The following DOCK6 variants were observed in gnomAD, a reference collection of about 807,000 sequenced individuals.
DOCK6 encodes the protein dedicator of cytokinesis 6.
DOCK6 carries 167 observed loss-of-function variants against 230.3 expected under a neutral mutation model. The ratio of observed to expected loss-of-function variants is 0.73; its 90% CI spans 0.64 to 0.82. The LOEUF (loss-of-function observed/expected upper bound fraction) is 0.82. DOCK6 is among the 40% of genes least tolerant of loss of function. The pLI is 0.00. For missense variants in DOCK6, 2,598 were observed against 2,825.8 expected (o/e 0.92, Z 1.83); for synonymous variants, 1,148 against 1,185.0 (o/e 0.97, Z 0.64).
rs1287541137 is a variant in DOCK6, at chr19:11,235,710, A to G, written c.2442T>C (p.Leu814=). ...GGGCTGCCTCCAGGCTCCGGTGAAC[A>G]AGGCTGACTACATGGGCCATTGCTT... is the stretch of plus-strand genomic sequence containing the variant. The part of the protein sequence containing the change: ...AFEAMAHVVS[L]VHRSLEAAQD... The change falls in exon 21 of 48, where the codon CTT becomes CTC. Residue 814 remains leucine, a synonymous_variant. Coordinates refer to ENST00000294618, the MANE Select transcript of DOCK6 (RefSeq NM_020812.4). 10 of 1,600,254 alleles carry G rather than the reference A, an allele frequency of 6.2e-6. 1 individual carries two copies. In the South Asian group the frequency reaches 9.1e-5, roughly 15 times the overall value.
rs1210901846 is a variant in DOCK6 at position 11,257,083 on chromosome 19, TTC to T, written c.45-3359_45-3358del. Among the ~76,000 whole-genome samples the T allele has an allele frequency of 2.0e-5, 3 of 151,646 alleles. No homozygotes were observed. The East Asian group carries it at 5.8e-4, about 29-fold the overall frequency. On this transcript the variant is annotated intron_variant, in intron 1 of 47. Transcript: ENST00000294618. ...CTTACTGCAGCCTCAACCTCCTGGG[TTC>T]AAGGAATCCTCCTGCCTCAGCCTCC...
At chr19:11,233,804 C>T (rs889240977) in intron 21 of DOCK6, among the ~76,000 whole-genome samples, 7 of 151,854 alleles carry the variant, frequency 4.6e-5, no homozygotes, top group Non-Finnish European at 1.0e-4. Context: ...CGTGACACTG[C>T]ACTCTAGCCT....
At chr19:11,241,106 C>T (rs573285685) in intron 14 of DOCK6, among the ~76,000 whole-genome samples, 3 of 151,874 alleles carry the variant, frequency 2.0e-5, no homozygotes, top group Non-Finnish European at 2.9e-5. Flanking sequence ...ATTAGCTGGG[C>T]GTGGTGGCAC....
intron 39 of DOCK6, among the ~76,000 whole-genome samples, chr19:11,204,927 G>A (rs2079232184): frequency 6.6e-6 from 1 of 152,158 alleles, no homozygotes; most frequent in African/African-American, 2.4e-5. Context: ...CTCATTGATG[G>A]GAGAAGCAGT....
intron 28 of DOCK6, among the ~76,000 whole-genome samples, chr19:11,220,528 C>T (rs2079563318): frequency 6.6e-6 from 1 of 152,098 alleles, no homozygotes; most frequent in Non-Finnish European, 1.5e-5. Context: ...TCTCACTGGG[C>T]AAAGATGACA....
chr19:11,233,353 C>T lies in DOCK6; in HGVS notation c.2568G>A (p.Val856=), dbSNP rs1289746301. Residue 856 remains valine, a synonymous_variant, in exon 22 of 48, where the codon GTG becomes GTA. Transcript: ENST00000294618. ...GGGCCAGTGTGGCAGCCTGCACTGT[C>T]ACTGGAGGGGCCCCTGAGGATGGAG... ...EPSLPDGAPP[V]TVQAATLARG... is the part of the protein sequence containing the mutation. The T allele has an allele frequency of 5.0e-6, 8 of 1,613,496 alleles. No homozygotes were observed. The highest frequency in any genetic ancestry group is 6.8e-6 in the Non-Finnish European group (8 of 1,179,548).
At chr19:11,244,752 C>T (rs1166262845) in intron 9 of DOCK6, among the ~76,000 whole-genome samples, 1 of 152,116 alleles carries the variant, frequency 6.6e-6, no homozygotes, top group Non-Finnish European at 1.5e-5. Context: ...AGCCACCGCG[C>T]CCAGCCAATT....
Position 11,204,129 on chromosome 19 carries a change from C to T in DOCK6, c.5221-34G>A, listed in dbSNP as rs765751791. On this transcript the variant is annotated intron_variant, in intron 40 of 47. Coordinates refer to ENST00000294618, the MANE Select transcript of DOCK6 (RefSeq NM_020812.4). ...AAGAGAAGGGTCAAGGTCAGCAGATCCCTGGGGATGAGGAGTGGGGATGAG... is the reference window on the plus strand; with the variant it reads ...AAGAGAAGGGTCAAGGTCAGCAGATTCCTGGGGATGAGGAGTGGGGATGAG... 8.1e-4 allele frequency: 1,156 copies of T among 1,424,050 alleles called. 1 individual carries two copies. The highest frequency in any genetic ancestry group is 1.0e-3 in the Non-Finnish European group (1,074 of 1,061,088). 88.2% of individuals were successfully genotyped at this position (1,424,050 alleles called of 1,614,324 possible).
intron 21 of DOCK6, among the ~76,000 whole-genome samples, chr19:11,234,419 TAAAAA>T (rs1161321589): frequency 1.9e-4 from 25 of 130,484 alleles, no homozygotes; most frequent in Non-Finnish European, 3.9e-4. Flanking sequence ...CCCTGACTCT[TAAAAA>T]AAAGAAAAAA....
intron 22 of DOCK6, chr19:11,232,355 A>C (rs1476542056): frequency 8.2e-7 from 1 of 1,212,742 alleles, no homozygotes. Flanking sequence ...TGAAATACCA[A>C]GCGTGGACAT....
At chr19:11,214,971 C>G (rs1402967885) in intron 32 of DOCK6, among the ~76,000 whole-genome samples, 2 of 145,022 alleles carry the variant, frequency 1.4e-5, no homozygotes, top group Non-Finnish European at 3.0e-5. Flanking sequence ...GAGATGGAGT[C>G]TCGCTCTGTC....
chr19:11,253,307 CTCAGGCGAAAGTCA>C (rs1319144415), intron 2 of DOCK6, among the ~76,000 whole-genome samples: 2 of 152,242 alleles, frequency 1.3e-5, no homozygotes, highest in East Asian at 3.9e-4. Context: ...CCCCACCCCT[CTCAGGCGAAAGTCA>C]CTCCCCTCCC....
At chr19:11,220,645 A>G (rs2079564609) in intron 28 of DOCK6, among the ~76,000 whole-genome samples, 1 of 152,180 alleles carries the variant, frequency 6.6e-6, no homozygotes, top group South Asian at 2.1e-4. Flanking sequence ...AGAAAAAGAG[A>G]CAACAGAAGC....
intron 13 of DOCK6, among the ~76,000 whole-genome samples, chr19:11,242,749 A>G (rs2079966661): frequency 6.6e-6 from 1 of 151,898 alleles, no homozygotes; most frequent in African/African-American, 2.4e-5. Context: ...TCAGCCTCCC[A>G]AAGTGTTGGC....
At chr19:11,238,342 G>T in intron 14 of DOCK6, 38 bp from the exon 15 acceptor site, 1 of 1,548,664 alleles carries the variant, frequency 6.5e-7, no homozygotes, top group Non-Finnish European at 8.7e-7. Context: ...AGGGACAGGG[G>T]CCCTGAAGGT....
Position 11,216,987 on chromosome 19 carries a change from G to T in DOCK6, c.3821C>A (p.Thr1274Asn), listed in dbSNP as rs776204901. The T allele has an allele frequency of 1.2e-6, 2 of 1,613,700 alleles. No homozygotes were observed. Among genetic ancestry groups the T allele is most frequent in the South Asian group, 2.2e-5 (2 of 91,086 alleles). ...TEPALLQRWATDLTLPQLGRL... is the reference protein window; with the variant it reads ...TEPALLQRWANDLTLPQLGRL... ...TCCCAGCTGGGGGAGTGTCAGGTCA[G>T]TGGCCCAGCGCTGCAGGAGCGCCGG... Residue 1274 changes from threonine (T) to asparagine (N), a missense_variant, in exon 30 of 48, where the codon ACT becomes AAT. Physicochemically the swap from Thr to Asn is moderately conservative, Grantham distance 65. Coordinates refer to ENST00000294618, the MANE Select transcript of DOCK6 (RefSeq NM_020812.4).
At chr19:11,225,868 T>TAAAAA (rs745740690) in intron 24 of DOCK6, among the ~76,000 whole-genome samples, 24 of 71,014 alleles carry the variant, frequency 3.4e-4, no homozygotes, top group Non-Finnish European at 4.4e-4. Flanking sequence ...CTGACTCTAC[T>TAAAAA]AAAAAAAAAA....
Position 11,252,244 on chromosome 19 carries a change from G to A in DOCK6, c.382C>T (p.Gln128Ter). ...GGGCTGTATGCTGCACTCAGGTACTGATACCTAGCAGGAAACGGGGCTGGG... is the reference window on the plus strand; with the variant it reads ...GGGCTGTATGCTGCACTCAGGTACTAATACCTAGCAGGAAACGGGGCTGGG... The part of the protein sequence containing the change: ...EDWVIVHRRY[Q>*]YLSAAYSPVT... Residue 128 changes from glutamine to a stop codon, truncating the protein, a stop_gained, in exon 5 of 48, where the codon CAG becomes TAG. Transcript: ENST00000294618. LOFTEE classifies it high-confidence loss of function. 2 of 1,583,428 alleles carry A rather than the reference G, an allele frequency of 1.3e-6. No homozygotes were observed. Among genetic ancestry groups the A allele is most frequent in the South Asian group, 2.3e-5 (2 of 86,962 alleles).
chr19:11,215,588 TGGAGCA>T, intron 31 of DOCK6, 117 bp from the exon 32 acceptor site: 1 of 1,300,562 alleles, frequency 7.7e-7, no homozygotes, highest in East Asian at 2.5e-5. Context: ...GGGCACTGGG[TGGAGCA>T]GAAGCCTGCC....
Sources: allele counts gnomAD v4.1 joint callset (sites outside exome capture counted in the v4.1 genomes callset), GRCh38; gene constraint gnomAD v4.1.1; transcripts MANE v1.5; gene names NCBI Gene and HGNC (gene_info 2026-07-23, HGNC 2026-07-21).